RHOBTB1: variants seen among roughly 807,000 people sequenced by gnomAD.
RHOBTB1 encodes the protein Rho related BTB domain containing 1.
RHOBTB1 carries 40 observed loss-of-function variants against 71.6 expected under a neutral mutation model. The ratio of observed to expected loss-of-function variants is 0.56; its 90% CI spans 0.43 to 0.73. RHOBTB1 has a LOEUF of 0.73. Among genes scored for constraint, RHOBTB1 ranks in the 30% least tolerant of loss-of-function variants. The probability of loss-of-function intolerance (pLI) is 0.00; values close to 1 mark genes in which losing one functional copy is unlikely to be tolerated. For synonymous variants in RHOBTB1, 319 were observed against 334.9 expected, an observed-to-expected ratio of 0.95 and a Z score of 0.52; for missense variants, 797 against 894.0, an observed-to-expected ratio of 0.89 and a Z score of 1.38.
intron 1 of RHOBTB1, among the ~76,000 whole-genome samples, chr10:60,990,396 G>A (rs2086821704): frequency 6.6e-6 from 1 of 152,104 alleles, no homozygotes; most frequent in Non-Finnish European, 1.5e-5. Context: ...GAATCTTTTT[G>A]AGACAGATGC....
At chr10:60,955,000 C>T (rs1413983235) in intron 2 of RHOBTB1, among the ~76,000 whole-genome samples, 2 of 150,456 alleles carry the variant, frequency 1.3e-5, no homozygotes, top group African/African-American at 2.4e-5. Flanking sequence ...CTTTGAGCTA[C>T]CCATACTTAT....
intron 2 of RHOBTB1, among the ~76,000 whole-genome samples, chr10:60,983,607 C>T (rs1256452398): frequency 6.6e-6 from 1 of 152,048 alleles, no homozygotes; most frequent in Non-Finnish European, 1.5e-5. Flanking sequence ...TAAATGTATT[C>T]AGATTTTGCA....
chr10:60,876,634 A>G (rs74157867), intron 8 of RHOBTB1, among the ~76,000 whole-genome samples: 6,853 of 152,298 alleles, frequency 0.045, 260 homozygotes, highest in African/African-American at 0.1. Flanking sequence ...GTAATTGCCC[A>G]TGGAAGCCTC....
At position 60,889,194 on chromosome 10, in the gene RHOBTB1, GA is replaced by G. The variant is rs769219103; in HGVS notation, c.483-10del. On this transcript the variant is annotated splice_polypyrimidine_tract_variant and intron_variant, in intron 5 of 10. Transcript: ENST00000337910. ...CCCCTCTCTTTATGGGCCTGAAATA[GA>G]ACATTTTAAAAATTATAATCAGCCT... 2.5e-6 allele frequency: 4 copies of G among 1,582,848 alleles called. No individual in the cohort carries two copies. Among genetic ancestry groups the G allele is most frequent in the Non-Finnish European group, 3.4e-6 (4 of 1,168,364 alleles).
intron 2 of RHOBTB1, among the ~76,000 whole-genome samples, chr10:60,950,696 A>G (rs1014755128): frequency 6.6e-6 from 1 of 152,218 alleles, no homozygotes; most frequent in Non-Finnish European, 1.5e-5. Context: ...AATGTTTTGT[A>G]AGATGTAAAG....
At chr10:60,882,388 AG>A (rs1158000039) in intron 7 of RHOBTB1, among the ~76,000 whole-genome samples, 2 of 152,176 alleles carry the variant, frequency 1.3e-5, no homozygotes, top group Non-Finnish European at 2.9e-5. Context: ...ACTACAACCC[AG>A]GCATGCATTT....
At position 60,877,918 on chromosome 10, in the gene RHOBTB1, A is replaced by G. The variant is rs978968277; in HGVS notation, c.1716T>C (p.Val572=). The part of the protein sequence containing the change: ...LANRFCLPHL[V]ALAEQHAVQE... ...AGTCATCATCCTTACCTGCAAGTGC[A>G]ACCAAGTGTGGCAGGCAAAATCTGT... The change falls in exon 8 of 11, where the codon GTT becomes GTC. Residue 572 remains valine (V), a synonymous_variant. Transcript: ENST00000337910. 6.2e-7 allele frequency: 1 copy of G among 1,613,758 alleles called. No homozygotes were observed. The highest frequency in any genetic ancestry group is 8.5e-7 in the Non-Finnish European group (1 of 1,179,824).
At chr10:60,951,594 T>G (rs1316086446) in intron 2 of RHOBTB1, among the ~76,000 whole-genome samples, 1 of 152,180 alleles carries the variant, frequency 6.6e-6, no homozygotes, top group African/African-American at 2.4e-5. Context: ...CTTGTAAACA[T>G]AAGCCGATGA....
intron 7 of RHOBTB1, among the ~76,000 whole-genome samples, chr10:60,884,587 C>A (rs2081480083): frequency 6.6e-6 from 1 of 152,104 alleles, no homozygotes; most frequent in Non-Finnish European, 1.5e-5. Context: ...GTCTGCCTAA[C>A]TGTCCATCAA....
At chr10:60,884,475 T>C (rs968019097) in intron 7 of RHOBTB1, among the ~76,000 whole-genome samples, 3 of 152,308 alleles carry the variant, frequency 2.0e-5, no homozygotes, top group African/African-American at 7.2e-5. Flanking sequence ...AAGTTAGAAG[T>C]GCTTGAATTG....
chr10:60,879,235 C>T (rs1320476915), intron 7 of RHOBTB1, among the ~76,000 whole-genome samples: 1 of 152,088 alleles, frequency 6.6e-6, no homozygotes, highest in Non-Finnish European at 1.5e-5. Flanking sequence ...ATGTTTAATG[C>T]CAAGGAAACA....
intron 2 of RHOBTB1, among the ~76,000 whole-genome samples, chr10:60,913,842 C>T (rs1031447239): frequency 2.0e-5 from 3 of 152,172 alleles, no homozygotes; most frequent in Non-Finnish European, 4.4e-5. Context: ...ACTTTCTGAG[C>T]CTCAGTCTCC....
intron 7 of RHOBTB1, 21 bp downstream of exon 7, chr10:60,886,091 T>G: frequency 6.5e-7 from 1 of 1,548,374 alleles, no homozygotes; most frequent in Non-Finnish European, 8.9e-7. Context: ...GACACCACTA[T>G]GCTTTTAGGA....
At chr10:60,987,332 A>G (rs2086699712) in intron 1 of RHOBTB1, among the ~76,000 whole-genome samples, 2 of 152,126 alleles carry the variant, frequency 1.3e-5, no homozygotes, top group African/African-American at 4.8e-5. Flanking sequence ...AGCTTAAATT[A>G]TATCTTTTTG....
chr10:60,959,583 A>C (rs115126586), intron 2 of RHOBTB1, among the ~76,000 whole-genome samples: 1 of 152,146 alleles, frequency 6.6e-6, no homozygotes. Flanking sequence ...ACAAACAAAC[A>C]AACAAATAGC....
At chr10:60,899,496 C>A (rs768122587) in intron 4 of RHOBTB1, among the ~76,000 whole-genome samples, 2 of 152,156 alleles carry the variant, frequency 1.3e-5, no homozygotes, top group Non-Finnish European at 2.9e-5. Context: ...TTAACCTCCC[C>A]GACTCTTCTG....
intron 2 of RHOBTB1, among the ~76,000 whole-genome samples, chr10:60,965,272 G>GTACCTTGAGAATAGAGCATTTAT (rs1226131368): frequency 4.5e-4 from 68 of 152,112 alleles, no homozygotes; most frequent in Non-Finnish European, 6.3e-4. Context: ...TAAACTCCTA[G>GTACCTTGAGAATAGAGCATTTAT]TACCTTGAGA....
At chr10:60,896,438 T>C (rs1017413278) in intron 4 of RHOBTB1, among the ~76,000 whole-genome samples, 3 of 152,190 alleles carry the variant, frequency 2.0e-5, no homozygotes, top group African/African-American at 7.2e-5. Context: ...AGGATTTAAA[T>C]GGAGTCCTAC....
At position 60,953,104 on chromosome 10, in the gene RHOBTB1, C is replaced by A. The variant is rs76442845; in HGVS notation, c.-61-11250G>T. On this transcript the variant is annotated intron_variant, in intron 2 of 11. Coordinates refer to the RHOBTB1 transcript ENST00000357917. ...GATGAGATAAAATGGGAAAGTCATG[C>A]GGAAAAACACACAGCCCATTTCAAC... Among the ~76,000 whole-genome samples, 461 of 151,996 alleles carry A rather than the reference C, an allele frequency of 3.0e-3. 2 individuals carry two copies. Among genetic ancestry groups the A allele is most frequent in the Admixed American group, 0.024 (369 of 15,286 alleles).
Sources: allele counts gnomAD v4.1 joint callset (sites outside exome capture counted in the v4.1 genomes callset), GRCh38; gene constraint gnomAD v4.1.1; transcripts MANE v1.5; gene names NCBI Gene and HGNC (gene_info 2026-07-23, HGNC 2026-07-21).